Variants in TFEC observed in about 807,000 individuals in gnomAD.
TFEC encodes the protein class E basic helix-loop-helix protein 34.
A neutral mutation model predicts 41.6 loss-of-function variants in TFEC; 31 were observed. That is an observed-to-expected ratio of 0.74 (90% CI 0.56 to 1.01). The LOEUF (loss-of-function observed/expected upper bound fraction) is 1.01, where lower values mean the gene tolerates loss of function less well. Among genes scored for constraint, TFEC ranks in the 50% least tolerant of loss-of-function variants. The pLI, the probability that TFEC is intolerant of heterozygous loss-of-function variation, is 0.00. For missense variants in TFEC, 402 were observed against 404.1 expected (o/e 0.99, Z 0.04); for synonymous variants, 143 against 140.6 (o/e 1.02, Z -0.12).
In TFEC at chr7:115,985,794, A is replaced by G. The variant is rs369227387; in HGVS notation, c.-72-1281T>C. 6.6e-5 allele frequency among the ~76,000 whole-genome samples: 10 copies of G among 152,176 alleles called. No homozygotes were observed. The East Asian group carries it at 1.7e-3, about 26-fold the overall frequency. On this transcript the variant is annotated intron_variant, in intron 1 of 7. Transcript: ENST00000265440. ...GCTATGAGCTTTAAAGTTGTAAAAT[A>G]ACATTTCATTAAAATGCCAGTGGTA...
In TFEC at chr7:116,091,818, T is replaced by A. The variant is rs1384214614; in HGVS notation, c.198+18890A>T. ...CTTAGTTGTATAGAAAAAAAGATTA[T>A]CCATTTGCAAATGCCATGCCAAAAA... On this transcript the variant is annotated intron_variant, in intron 3 of 8. Transcript: ENST00000484212. 1.3e-5 allele frequency among the ~76,000 whole-genome samples: 2 copies of A among 152,114 alleles called. 1 individual carries two copies. Among genetic ancestry groups the A allele is most frequent in the East Asian group, 3.9e-4 (2 of 5,176 alleles).
chr7:116,005,903 C>T (rs1197447013), intron 1 of TFEC, among the ~76,000 whole-genome samples: 1 of 152,198 alleles, frequency 6.6e-6, no homozygotes, highest in African/African-American at 2.4e-5. Context: ...CCAGCTGCTC[C>T]AGCTGTGACT....
chr7:116,031,471 T>A (rs1303058948), upstream of TFEC, among the ~76,000 whole-genome samples: 3 of 152,166 alleles, frequency 2.0e-5, no homozygotes, highest in Non-Finnish European at 2.9e-5. Flanking sequence ...GTGTTAGGTA[T>A]CTCAGGAACT....
At chr7:116,155,342 T>C (rs1798847785) in intron 1 of TFEC, among the ~76,000 whole-genome samples, 1 of 152,232 alleles carries the variant, frequency 6.6e-6, no homozygotes, top group African/African-American at 2.4e-5. Context: ...ACATCACGTT[T>C]ATTTAAGATA....
At chr7:115,985,676 A>C (rs185587705) in intron 1 of TFEC, among the ~76,000 whole-genome samples, 118 of 152,230 alleles carry the variant, frequency 7.8e-4, no homozygotes, top group Non-Finnish European at 1.4e-3. Flanking sequence ...CATTTTTAGC[A>C]TTATTTTAAT....
intron 1 of TFEC, among the ~76,000 whole-genome samples, chr7:116,017,253 G>T (rs139375946): frequency 6.6e-6 from 1 of 151,940 alleles, no homozygotes; most frequent in Admixed American, 6.6e-5. Flanking sequence ...ACAGAGTCTC[G>T]CTCTGTCACC....
At chr7:116,059,773 CA>C (rs1192527078) in intron 3 of TFEC, among the ~76,000 whole-genome samples, 2 of 151,884 alleles carry the variant, frequency 1.3e-5, no homozygotes, top group Admixed American at 6.6e-5. Context: ...AAGTATTTGA[CA>C]AAATACAGCA....
chr7:116,111,068 G>T, intron 2 of TFEC: 1 of 431,510 alleles, frequency 2.3e-6, no homozygotes, highest in Non-Finnish European at 4.0e-6. Context: ...ATTATTTAAT[G>T]GTTATGGTTC....
intron 2 of TFEC, among the ~76,000 whole-genome samples, chr7:115,975,037 A>T (rs1209640243): frequency 3.3e-5 from 5 of 152,100 alleles, no homozygotes; most frequent in Admixed American, 3.3e-4. Flanking sequence ...TTTGTCCCAG[A>T]TTATATAGTG....
intron 3 of TFEC, among the ~76,000 whole-genome samples, chr7:116,102,506 A>C (rs1387471214): frequency 6.6e-6 from 1 of 152,320 alleles, no homozygotes; most frequent in East Asian, 1.9e-4. Flanking sequence ...ACAAATAATG[A>C]TGACCTTGAT....
intron 3 of TFEC, among the ~76,000 whole-genome samples, chr7:116,075,855 G>A (rs918542204): frequency 2.0e-5 from 3 of 152,140 alleles, no homozygotes; most frequent in African/African-American, 2.4e-5. Context: ...CCCACCACCT[G>A]AGAAATCTGA....
At chr7:116,005,593 A>C (rs1307263443) in intron 1 of TFEC, among the ~76,000 whole-genome samples, 5 of 152,230 alleles carry the variant, frequency 3.3e-5, no homozygotes, top group African/African-American at 1.2e-4. Context: ...AAAGGCATTC[A>C]GTTTTATGAG....
At chr7:116,051,687 A>G (rs1412292881) in intron 3 of TFEC, among the ~76,000 whole-genome samples, 1 of 152,200 alleles carries the variant, frequency 6.6e-6, no homozygotes, top group Non-Finnish European at 1.5e-5. Context: ...AGCATAATCT[A>G]GATCTATTTC....
chr7:116,106,345 G>A (rs902747417), intron 3 of TFEC, among the ~76,000 whole-genome samples: 6 of 151,924 alleles, frequency 3.9e-5, no homozygotes, highest in Non-Finnish European at 7.4e-5. Context: ...TAAAGTGTCA[G>A]CTGACTGATG....
In TFEC at chr7:115,984,386, A is replaced by G; in HGVS notation, c.56T>C (p.Val19Ala). 6.2e-7 allele frequency: 1 copy of G among 1,614,138 alleles called. No individual in the cohort carries two copies. Among genetic ancestry groups the G allele is most frequent in the Non-Finnish European group, 8.5e-7 (1 of 1,179,990 alleles). The change falls in exon 2 of 8, where the codon GTG (valine) becomes GCG (alanine). Residue 19 changes from valine (V) to alanine (A), a missense_variant. Physicochemically the swap from Val to Ala is moderately conservative, Grantham distance 64. Transcript: ENST00000265440. ...NPTLKWSQPA[V>A]PSGGPLVQHA... is the part of the protein sequence containing the mutation. ...CTGCACAAGAGGCCCACCACTTGGC[A>G]CTGCAGGTTGTGACCATTTAAGAGT...
chr7:116,058,549 T>C (rs1255617924), intron 3 of TFEC, among the ~76,000 whole-genome samples: 6 of 151,764 alleles, frequency 4.0e-5, no homozygotes, highest in African/African-American at 1.4e-4. Context: ...CCTGACCTAA[T>C]TGCTTTTATA....
chr7:115,948,782 C>T (rs571609536), intron 6 of TFEC, among the ~76,000 whole-genome samples: 22 of 148,274 alleles, frequency 1.5e-4, no homozygotes, highest in Non-Finnish European at 2.5e-4. Flanking sequence ...CCTTTGAAAA[C>T]TGGCACAAGA....
At chr7:116,070,671 T>C (rs1489409217) in intron 3 of TFEC, among the ~76,000 whole-genome samples, 2 of 151,488 alleles carry the variant, frequency 1.3e-5, no homozygotes, top group Non-Finnish European at 3.0e-5. Flanking sequence ...ATAAACATTA[T>C]TGTCTCCTAG....
intron 1 of TFEC, 120 bp downstream of exon 1, chr7:116,030,513 A>C (rs1466556257): frequency 3.2e-6 from 2 of 617,190 alleles, no homozygotes; most frequent in Non-Finnish European, 4.0e-6. Flanking sequence ...TAGTTATCAT[A>C]AAAGATGAAA....
Sources: gnomAD v4.1 joint callset for allele counts (sites outside exome capture counted in the v4.1 genomes callset) on GRCh38, gnomAD v4.1.1 for gene constraint, MANE v1.5 for transcripts, NCBI Gene and HGNC (gene_info 2026-07-23, HGNC 2026-07-21) for gene names.